Variants in NBPF8 observed in about 807,000 individuals in gnomAD.
NBPF8 encodes the protein NBPF family member NBPF8.
intron 1 of NBPF8, among the ~76,000 whole-genome samples, chr1:120,422,239 A>G (rs1660597568): frequency 6.6e-6 from 1 of 151,962 alleles, no homozygotes; most frequent in Admixed American, 6.5e-5. Context: ...TTGATACATC[A>G]TTATCAACTA....
At chr1:120,469,301 TCC>T (rs1434406232), downstream of NBPF8, among the ~76,000 whole-genome samples, 10 of 144,026 alleles carry the variant, frequency 6.9e-5, no homozygotes, top group Non-Finnish European at 1.4e-4. Context: ...AGCATTTGTT[TCC>T]CATTAGGCCT....
chr1:120,459,727 C>T (rs1442444315), intron 17 of NBPF8, among the ~76,000 whole-genome samples, 197 bp downstream of exon 15: 4 of 152,108 alleles, frequency 2.6e-5, no homozygotes, highest in Admixed American at 6.6e-5. Flanking sequence ...GCTTTGCTCT[C>T]TTCCTAGTCT....
At chr1:120,454,588 T>G (rs1553249464) in intron 15 of NBPF8, among the ~76,000 whole-genome samples, 34 of 151,654 alleles carry the variant, frequency 2.2e-4, no homozygotes, top group African/African-American at 4.9e-4. Context: ...CTGAAATCAG[T>G]ACGGAAACTT....
chr1:120,424,556 T>C (rs1275537633), intron 1 of NBPF8, among the ~76,000 whole-genome samples: 3 of 152,138 alleles, frequency 2.0e-5, no homozygotes, highest in Non-Finnish European at 4.4e-5. Flanking sequence ...CAAGTGATTC[T>C]CCTGCCTCAG....
At chr1:120,435,607 G>A (rs1661047279), upstream of NBPF8, among the ~76,000 whole-genome samples, 1 of 148,494 alleles carries the variant, frequency 6.7e-6, no homozygotes, top group Non-Finnish European at 1.5e-5. Flanking sequence ...ACTTTGGGAG[G>A]CCGAGGCGGC....
chr1:120,453,495 A>G (rs1206826882), intron 14 of NBPF8, 51 bp downstream of exon 12: 24 of 982,960 alleles, frequency 2.4e-5, no homozygotes, highest in Non-Finnish European at 3.5e-5. Context: ...TATGAGGAAT[A>G]TCTAGGAGGC....
chr1:120,424,663 G>T (rs1186966698), intron 1 of NBPF8, among the ~76,000 whole-genome samples: 3 of 149,510 alleles, frequency 2.0e-5, no homozygotes, highest in Non-Finnish European at 4.5e-5. Flanking sequence ...GGCCAGGTTG[G>T]TCTCTAACTC....
At chr1:120,467,536 A>G (rs1350561401) in exon 25 of NBPF8, 1 of 111,940 alleles carries the variant, frequency 8.9e-6, no homozygotes, top group Non-Finnish European at 1.8e-5. Context: ...TCCTCTAAAC[A>G]TTTTATCATT....
downstream of NBPF8, among the ~76,000 whole-genome samples, chr1:120,467,971 T>A (rs1273598051): frequency 6.6e-6 from 1 of 151,950 alleles, no homozygotes; most frequent in South Asian, 2.1e-4. Flanking sequence ...TGCGTGTGTG[T>A]GTCTGTGTGT....
At chr1:120,423,291 AG>A (rs1229953764) in intron 1 of NBPF8, among the ~76,000 whole-genome samples, 1 of 108,640 alleles carries the variant, frequency 9.2e-6, no homozygotes, top group East Asian at 2.0e-4. Flanking sequence ...TATTTTATAA[AG>A]GGTATATAAC....
intron 11 of NBPF8, among the ~76,000 whole-genome samples, chr1:120,449,982 A>T (rs1661216311): frequency 6.6e-6 from 1 of 152,052 alleles, no homozygotes; most frequent in African/African-American, 2.4e-5. Flanking sequence ...TAATCCCAGC[A>T]CTTTGGGAGG....
chr1:120,469,038 G>A (rs1661833712), downstream of NBPF8, among the ~76,000 whole-genome samples: 1 of 150,736 alleles, frequency 6.6e-6, no homozygotes, highest in Non-Finnish European at 1.5e-5. Flanking sequence ...ATCCTAGGTG[G>A]ACTTGCTCCC....
Position 120,464,551 on chromosome 1 carries a change from G to A in NBPF8, n.3459+3G>A, listed in dbSNP as rs1391664371. The A allele has an allele frequency of 6.5e-6, 5 of 772,404 alleles. No individual in the cohort carries two copies. The highest frequency in any genetic ancestry group is 1.2e-5 in the Non-Finnish European group (5 of 419,360). The allele number at this position is 772,404 out of a possible 1,614,324, so 47.8% of individuals were successfully genotyped here. On this transcript the variant is annotated splice_donor_region_variant and intron_variant and non_coding_transcript_variant, in intron 23 of 24. Coordinates refer to ENST00000583271, the Ensembl canonical transcript of NBPF8. ...TGGCTTTTCTCTTGACGTGGGAGGT[G>A]AGTACCTTTCTATGAAGGTGATAAG...
At chr1:120,456,455 G>C (rs1401346559) in intron 16 of NBPF8, among the ~76,000 whole-genome samples, 134 of 130,408 alleles carry the variant, frequency 1.0e-3, no homozygotes, top group Non-Finnish European at 1.3e-3. Flanking sequence ...CTCCTGTATA[G>C]GGTGCATATA....
rs1469075062 is a variant in NBPF8, at chr1:120,450,436, T to A, written n.1972-744T>A. Among the ~76,000 whole-genome samples the A allele has an allele frequency of 2.5e-4, 38 of 152,140 alleles. No individual in the cohort carries two copies. In the South Asian group the frequency reaches 6.7e-3, roughly 27 times the overall value. On this transcript the variant is annotated intron_variant and non_coding_transcript_variant, in intron 11 of 24. Coordinates refer to ENST00000583271, the Ensembl canonical transcript of NBPF8. ...ATCCATCCAAGTTGCTTGTCTTGTC[T>A]GTCCCTCAGTTTCCTCACCTGTTCA...
At chr1:120,428,138 C>A (rs1660772124) in intron 3 of NBPF8, among the ~76,000 whole-genome samples, 1 of 151,846 alleles carries the variant, frequency 6.6e-6, no homozygotes, top group African/African-American at 2.4e-5. Context: ...TTATAATATG[C>A]AAATTTGTTG....
upstream of NBPF8, chr1:120,433,539 T>C (rs1660948215): frequency 6.4e-6 from 1 of 155,514 alleles, no homozygotes; most frequent in Non-Finnish European, 1.5e-5. Flanking sequence ...CATGTGGTTT[T>C]GGCAGCAATA....
upstream of NBPF8, among the ~76,000 whole-genome samples, chr1:120,415,769 C>A (rs1553245099): frequency 2.0e-5 from 3 of 152,336 alleles, no homozygotes; most frequent in East Asian, 5.8e-4. Flanking sequence ...GTAGCCATCA[C>A]TGAATCACCT....
At chr1:120,416,010 C>A (rs1280276460), upstream of NBPF8, among the ~76,000 whole-genome samples, 1 of 152,180 alleles carries the variant, frequency 6.6e-6, no homozygotes, top group Non-Finnish European at 1.5e-5. Context: ...AAAAAGAAGT[C>A]TTTTCTTGCA....
Sources: allele counts gnomAD v4.1 joint callset (sites outside exome capture counted in the v4.1 genomes callset), GRCh38; gene constraint gnomAD v4.1.1; transcripts MANE v1.5; gene names NCBI Gene and HGNC (gene_info 2026-07-23, HGNC 2026-07-21).